The following IGSF22 variants were observed in gnomAD, a reference collection of about 807,000 sequenced individuals.
IGSF22 encodes immunoglobulin superfamily, member 22.
IGSF22 carries 119 observed loss-of-function variants against 127.0 expected under a neutral mutation model. The ratio of observed to expected loss-of-function variants is 0.94; its 90% CI spans 0.81 to 1.09. IGSF22 has a LOEUF of 1.09. Ranked by LOEUF, IGSF22 falls within the 50% of genes least tolerant of loss-of-function variation. The pLI is 0.00. For synonymous variants in IGSF22, 568 were observed against 664.7 expected (o/e 0.85, Z 2.24); for missense variants, 1,518 against 1,716.6 (o/e 0.88, Z 2.04).
At chr11:18,714,897 T>C (rs565474711) in intron 11 of IGSF22, among the ~76,000 whole-genome samples, 3 of 151,778 alleles carry the variant, frequency 2.0e-5, no homozygotes, top group East Asian at 3.9e-4. Flanking sequence ...TAGTGGGGAA[T>C]TGATTAGTGG....
Position 18,724,281 on chromosome 11 carries a change from G to A in IGSF22, c.-33-12C>T. ...ACTCACCTGTGAGACTGGGGAAGAG[G>A]ATGAGGCCATGAAGGACAAGACAGG... On this transcript the variant is annotated splice_polypyrimidine_tract_variant and intron_variant, in intron 1 of 22. Transcript: ENST00000513874. 7.2e-7 allele frequency: 1 copy of A among 1,397,672 alleles called. No individual in the cohort carries two copies. Among genetic ancestry groups the A allele is most frequent in the Non-Finnish European group, 1.0e-6 (1 of 985,564 alleles). The allele number at this position is 1,397,672 out of a possible 1,614,324, so 86.6% of individuals were successfully genotyped here. A position where few individuals can be genotyped will look rare whatever the true frequency, so the allele number is the denominator to read the frequency against.
Position 18,710,822 on chromosome 11 carries a change from G to A in IGSF22, c.2405C>T (p.Pro802Leu). The A allele has an allele frequency of 6.2e-7, 1 of 1,612,490 alleles. No individual in the cohort carries two copies. The highest frequency in any genetic ancestry group is 8.5e-7 in the Non-Finnish European group (1 of 1,178,558). The stretch of plus-strand genomic sequence containing the variant: ...CACTTGAGGCTGGGAGGCAAAACCA[G>A]GAGGCTCTGTGGGGGAAAGAGAGAG... ...EVFAGNPIEP[P>L]GFASQPQVTD... is the part of the protein sequence containing the mutation. Residue 802 changes from proline (P) to leucine (L), a missense_variant, in exon 16 of 23, where the codon CCT (proline) becomes CTT (leucine). Physicochemically the swap from Pro to Leu is moderately conservative, Grantham distance 98. Coordinates refer to ENST00000513874, the MANE Select transcript of IGSF22 (RefSeq NM_173588.4).
intron 1 of IGSF22, among the ~76,000 whole-genome samples, chr11:18,725,251 C>T (rs1334407718): frequency 2.0e-5 from 3 of 152,138 alleles, no homozygotes; most frequent in Non-Finnish European, 4.4e-5. Flanking sequence ...CCTCAGCCTC[C>T]CCAGCAGCTG....
chr11:18,717,722 T>C (rs1848487890), intron 9 of IGSF22, among the ~76,000 whole-genome samples: 3 of 152,126 alleles, frequency 2.0e-5, no homozygotes, highest in Non-Finnish European at 4.4e-5. Context: ...TTAATCACTA[T>C]GCTACACAGC....
Position 18,716,291 on chromosome 11 carries a change from T to C in IGSF22, c.1246+437A>G, listed in dbSNP as rs1336996812. 6.6e-6 allele frequency among the ~76,000 whole-genome samples: 1 copy of C among 152,218 alleles called. No individual in the cohort carries two copies. The highest frequency in any genetic ancestry group is 2.4e-5 in the African/African-American group (1 of 41,452). ...GTGTCTCCCTCCATCACAGCAATGA[T>C]GATTCCATGTGATATAGATTCCAGG... is the stretch of plus-strand genomic sequence containing the variant. On this transcript the variant is annotated intron_variant, in intron 10 of 22. Coordinates refer to ENST00000513874, the MANE Select transcript of IGSF22 (RefSeq NM_173588.4). This position sits in a 1 kb window ranked among gnomAD's most constrained non-coding sequence, Gnocchi z 4.5.
At chr11:18,714,677 C>A in intron 11 of IGSF22, 53 bp from the exon 12 acceptor site, 1 of 1,602,498 alleles carries the variant, frequency 6.2e-7, no homozygotes, top group African/African-American at 1.3e-5. Flanking sequence ...GTGGGAGGGA[C>A]TTCTGGGAAA....
intron 2 of IGSF22, among the ~76,000 whole-genome samples, chr11:18,722,921 T>C (rs1177295867): frequency 1.3e-5 from 2 of 152,242 alleles, no homozygotes; most frequent in Non-Finnish European, 2.9e-5. Flanking sequence ...CCTGCAGATG[T>C]CTTTTATGTG....
chr11:18,713,814 C>CCTCAG (rs1471420067), intron 14 of IGSF22, 38 bp downstream of exon 14: 30 of 1,519,530 alleles, frequency 2.0e-5, no homozygotes, highest in African/African-American at 8.2e-5. Flanking sequence ...CAGCAGGTGC[C>CCTCAG]CTCAGCTCAG....
intron 15 of IGSF22, among the ~76,000 whole-genome samples, chr11:18,711,447 G>A (rs1404682325): frequency 6.6e-6 from 1 of 152,150 alleles, no homozygotes; most frequent in African/African-American, 2.4e-5. Context: ...GCCCAGGCTG[G>A]AGTGCAGTGG....
intron 18 of IGSF22, among the ~76,000 whole-genome samples, 176 bp from the exon 19 acceptor site, chr11:18,708,471 T>A (rs2134158300): frequency 6.6e-6 from 1 of 152,350 alleles, no homozygotes; most frequent in Non-Finnish European, 1.5e-5. Context: ...CTCATCTGTC[T>A]CCTTCTACTA....
chr11:18,717,392 G>T lies in IGSF22; in HGVS notation c.974-392C>A, dbSNP rs149355671. Among the ~76,000 whole-genome samples the T allele has an allele frequency of 1.6e-4, 24 of 151,688 alleles. No individual in the cohort carries two copies. In the East Asian group the frequency reaches 4.5e-3, roughly 28 times the overall value. Reference sequence around the variant, plus strand: ...TCATAAGTGGCAGAAAGCGGGATTTGACCTCTAGTAGTTTAGCTCCAGAGT... The same window carrying T: ...TCATAAGTGGCAGAAAGCGGGATTTTACCTCTAGTAGTTTAGCTCCAGAGT... On this transcript the variant is annotated intron_variant, in intron 9 of 22. Coordinates refer to ENST00000513874, the MANE Select transcript of IGSF22 (RefSeq NM_173588.4).
chr11:18,713,988 G>A lies in IGSF22; in HGVS notation c.1959C>T (p.Arg653=), dbSNP rs1006868368. 5 of 1,614,140 alleles carry A rather than the reference G, an allele frequency of 3.1e-6. No individual in the cohort carries two copies. The highest frequency in any genetic ancestry group is 3.3e-5 in the Admixed American group (2 of 60,014). The stretch of plus-strand genomic sequence containing the variant: ...GGTCTTCCCCGCGCTCCATGGACAC[G>A]CGTTCCTCCTCCGTCACTTCCATGC... ...KDGMEVTEEE[R]VSMERGEDQA... is the part of the protein sequence containing the mutation. The change falls in exon 14 of 23, where the codon CGC becomes CGT. Residue 653 remains arginine, a synonymous_variant. Coordinates refer to ENST00000513874, the MANE Select transcript of IGSF22 (RefSeq NM_173588.4).
chr11:18,721,383 G>T, intron 4 of IGSF22, 152 bp downstream of exon 4: 1 of 1,040,326 alleles, frequency 9.6e-7, no homozygotes, highest in Non-Finnish European at 1.5e-6. Flanking sequence ...CTCTTATCCT[G>T]CCGCGCCTCT....
chr11:18,721,971 G>A lies in IGSF22; in HGVS notation c.180C>T (p.Ile60=). ...ACTCAGGGACGCTGTCGCCCGCAGG[G>A]ATGTTTGAGCTCCGGGTCACTAAGC... ...FFSLVTRSSN[I]PAGDSVPEFV... is the part of the protein sequence containing the mutation. Residue 60 remains isoleucine, a synonymous_variant, in exon 3 of 23, where the codon ATC becomes ATT. Transcript: ENST00000513874. The A allele has an allele frequency of 6.2e-7, 1 of 1,614,036 alleles. No homozygotes were observed.
rs748121293 is a variant in IGSF22, at chr11:18,722,072, C to A, written c.110-31G>T. On this transcript the variant is annotated intron_variant, in intron 2 of 22. Coordinates refer to ENST00000513874, the MANE Select transcript of IGSF22 (RefSeq NM_173588.4). ...GGGGCAGGCGAGAGGTCAGAATGGG[C>A]TCCAGGTAGAAGCCCAGCTCGCGAT... 12 of 1,611,850 alleles carry A rather than the reference C, an allele frequency of 7.4e-6. No homozygotes were observed. In the African/African-American group the frequency reaches 1.6e-4, roughly 22 times the overall value.
At chr11:18,707,423 C>A in intron 20 of IGSF22, 1 of 543,308 alleles carries the variant, frequency 1.8e-6, no homozygotes. Flanking sequence ...CTTCTTTCCT[C>A]AATTGCAAAA....
rs562215402 is a variant in IGSF22 at position 18,707,813 on chromosome 11, G to A, written c.3271C>T (p.Arg1091Cys). The A allele has an allele frequency of 1.3e-4, 200 of 1,590,272 alleles. 1 individual carries two copies. The African/African-American group carries it at 1.3e-3, about 11-fold the overall frequency. Residue 1091 changes from arginine to cysteine, a missense_variant, in exon 20 of 23, where the codon CGC becomes TGC. Coordinates refer to ENST00000513874, the MANE Select transcript of IGSF22 (RefSeq NM_173588.4). ...FGEARYDIHV[R>C]VADFPRPPTN... ...TGCCTTCTCTCCATACCTGCCACGC[G>A]CACATGGATGTCATAGCGTGCTTCT... is the stretch of plus-strand genomic sequence containing the variant.
rs1436215638 is a variant in IGSF22 at position 18,719,702 on chromosome 11, T to G, written c.696+14A>C. ...CCCTAGCCTGCAGGCCCCTGCTCCC[T>G]GCAGGGTACTTACCTCCACCTCTAC... On this transcript the variant is annotated intron_variant, in intron 7 of 22. Coordinates refer to ENST00000513874, the MANE Select transcript of IGSF22 (RefSeq NM_173588.4). 6.2e-7 allele frequency: 1 copy of G among 1,613,146 alleles called. No individual in the cohort carries two copies. Among genetic ancestry groups the G allele is most frequent in the Admixed American group, 1.7e-5 (1 of 59,944 alleles).
chr11:18,714,476 C>T, intron 12 of IGSF22, 24 bp downstream of exon 12: 1 of 1,614,222 alleles, frequency 6.2e-7, no homozygotes, highest in South Asian at 1.1e-5. Flanking sequence ...TCCTTCACCC[C>T]CTTCCCTGGC....
Sources: allele counts gnomAD v4.1 joint callset (sites outside exome capture counted in the v4.1 genomes callset), GRCh38; gene constraint gnomAD v4.1.1; non-coding constraint Gnocchi (gnomAD v3.1); transcripts MANE v1.5; gene names NCBI Gene and HGNC (gene_info 2026-07-23, HGNC 2026-07-21).